CELF2: variants seen among roughly 807,000 people sequenced by gnomAD.
CELF2 encodes CUGBP Elav-like family member 2.
A neutral mutation model predicts 62.6 loss-of-function variants in CELF2; 8 were observed. The ratio of observed to expected loss-of-function variants is 0.13; its 90% CI spans 0.07 to 0.23. The LOEUF is 0.23. CELF2 is among the 10% of genes least tolerant of loss of function. The pLI is 1.00. For missense variants in CELF2, 333 were observed against 671.0 expected, an observed-to-expected ratio of 0.50 and a Z score of 5.56; for synonymous variants, 258 against 250.0, an observed-to-expected ratio of 1.03 and a Z score of -0.30.
chr10:10,605,478 A>C, the CELF2 span, among the ~76,000 whole-genome samples: 2 of 152,222 alleles, frequency 1.3e-5, no homozygotes, highest in Non-Finnish European at 2.9e-5. Flanking sequence ...AAGGCTGTAG[A>C]TTTTCCATAC....
At chr10:11,219,118 T>C (rs1173278742) in intron 3 of CELF2, among the ~76,000 whole-genome samples, 1 of 152,246 alleles carries the variant, frequency 6.6e-6, no homozygotes, top group African/African-American at 2.4e-5. Context: ...TAGTGTAGTT[T>C]GATGCCAAGT....
intron 1 of CELF2, among the ~76,000 whole-genome samples, chr10:11,125,014 A>T (rs2058428626): frequency 6.6e-6 from 1 of 152,160 alleles, no homozygotes; most frequent in African/African-American, 2.4e-5. Context: ...ATATTGTGTG[A>T]TATTGTTTTA....
intron 1 of CELF2, among the ~76,000 whole-genome samples, chr10:11,099,881 C>CAAAAAAAAAAA (rs1554835241): frequency 7.5e-6 from 1 of 133,772 alleles, no homozygotes; most frequent in Non-Finnish European, 1.6e-5. Context: ...ACAACAACAA[C>CAAAAAAAAAAA]AACAAAAAAA....
chr10:11,318,881 C>G lies in CELF2; in HGVS notation c.1097-2308C>G, dbSNP rs1300533084. 2.1e-6 allele frequency: 1 copy of G among 471,140 alleles called. No individual in the cohort carries two copies. The highest frequency in any genetic ancestry group is 7.0e-5 in the East Asian group (1 of 14,378). The allele number at this position is 471,140 out of a possible 1,614,324, so 29.2% of individuals were successfully genotyped here. ...GAGGCTGCACATCGCAGGAAGGATC[C>G]CCCGTGGGTCTCACATGACAGGGCC... On this transcript the variant is annotated intron_variant, in intron 10 of 12. Transcript: ENST00000633077. This position sits in a 1 kb window ranked among gnomAD's most constrained non-coding sequence, Gnocchi z 5.4.
intron 1 of CELF2, among the ~76,000 whole-genome samples, chr10:10,885,168 G>A (rs2018640): frequency 0.3 from 44,939 of 151,666 alleles, 7,650 homozygotes; most frequent in East Asian, 0.66. Context: ...GCTTGAACAC[G>A]GTAGGTGGAG....
chr10:10,826,439 T>A lies in CELF2; in HGVS notation c.53+27622T>A, dbSNP rs372209353. ...ACAGGACATCCAGTTAAATTTGAAT[T>A]TCAGATAAGCAATAAATAATTACTG... On this transcript the variant is annotated intron_variant, in intron 1 of 13. Transcript: ENST00000636488. 1.2e-4 allele frequency among the ~76,000 whole-genome samples: 19 copies of A among 152,334 alleles called. No homozygotes were observed. The East Asian group carries it at 3.5e-3, about 28-fold the overall frequency.
At chr10:10,853,344 T>C (rs1446425426) in intron 1 of CELF2, among the ~76,000 whole-genome samples, 1 of 152,040 alleles carries the variant, frequency 6.6e-6, no homozygotes, top group Non-Finnish European at 1.5e-5. Flanking sequence ...ACTGGCTTAA[T>C]TAGCAGGCTC....
At chr10:10,988,277 GTA>G (rs547530670) in intron 2 of CELF2, among the ~76,000 whole-genome samples, 20,207 of 147,806 alleles carry the variant, frequency 0.14, 2,524 homozygotes, top group African/African-American at 0.34. Flanking sequence ...ATGTGTGTGT[GTA>G]TATATATATA....
At chr10:10,718,349 C>T in the CELF2 span, among the ~76,000 whole-genome samples, 1 of 152,058 alleles carries the variant, frequency 6.6e-6, no homozygotes, top group African/African-American at 2.4e-5. Flanking sequence ...CTTGGCCAGG[C>T]GCGGTGGCTC....
At chr10:11,278,853 G>A (rs1171814489) in intron 8 of CELF2, among the ~76,000 whole-genome samples, 1 of 152,180 alleles carries the variant, frequency 6.6e-6, no homozygotes, top group Non-Finnish European at 1.5e-5. Flanking sequence ...CCACCGCATG[G>A]CCGGGCAACT....
chr10:10,595,079 T>C, the CELF2 span, among the ~76,000 whole-genome samples: 1 of 152,224 alleles, frequency 6.6e-6, no homozygotes, highest in Non-Finnish European at 1.5e-5. Flanking sequence ...GAATAGTTTG[T>C]AGACACACTA....
chr10:10,900,775 G>A (rs908414622), intron 1 of CELF2, among the ~76,000 whole-genome samples: 1 of 152,090 alleles, frequency 6.6e-6, no homozygotes, highest in Non-Finnish European at 1.5e-5. Flanking sequence ...TGAAAAGAAA[G>A]AAATTAAACT....
chr10:10,759,858 G>A, the CELF2 span, among the ~76,000 whole-genome samples: 3 of 145,062 alleles, frequency 2.1e-5, no homozygotes, highest in African/African-American at 7.3e-5. Flanking sequence ...AAAAGACGGT[G>A]ATATTCCTAT....
At chr10:10,881,965 A>G (rs980674489) in intron 1 of CELF2, among the ~76,000 whole-genome samples, 4 of 152,224 alleles carry the variant, frequency 2.6e-5, no homozygotes, top group Non-Finnish European at 5.9e-5. Flanking sequence ...TGTATGTAGT[A>G]TTACTGCATT....
In CELF2 at chr10:11,302,809, C is replaced by G. The variant is rs1037841341; in HGVS notation, c.977-11330C>G. On this transcript the variant is annotated intron_variant, in intron 9 of 12. Transcript: ENST00000633077. This position sits in a 1 kb window ranked among gnomAD's most constrained non-coding sequence, Gnocchi z 5.0. ...TTGACATGAGATTTTCACATTGTTC[C>G]GCTGTGCTGCGGACAGTGGAAGTTG... 6.6e-6 allele frequency among the ~76,000 whole-genome samples: 1 copy of G among 152,158 alleles called. No individual in the cohort carries two copies. Among genetic ancestry groups the G allele is most frequent in the Admixed American group, 6.5e-5 (1 of 15,286 alleles).
the CELF2 span, among the ~76,000 whole-genome samples, chr10:10,560,670 A>G: frequency 6.6e-6 from 1 of 152,196 alleles, no homozygotes; most frequent in South Asian, 2.1e-4. Context: ...ACTACTGGGT[A>G]TCTACCCAGA....
chr10:10,927,982 C>A (rs2065703751), intron 2 of CELF2, among the ~76,000 whole-genome samples: 1 of 152,132 alleles, frequency 6.6e-6, no homozygotes, highest in African/African-American at 2.4e-5. Flanking sequence ...GGGCTGCTTT[C>A]ATCTACCTCT....
At chr10:10,981,084 C>T (rs1261585698) in intron 2 of CELF2, among the ~76,000 whole-genome samples, 1 of 152,208 alleles carries the variant, frequency 6.6e-6, no homozygotes, top group Non-Finnish European at 1.5e-5. Context: ...GCCATTGTGA[C>T]ACGCCCACTG....
At chr10:10,505,277 A>T in the CELF2 span, among the ~76,000 whole-genome samples, 1 of 152,054 alleles carries the variant, frequency 6.6e-6, no homozygotes. Context: ...TTAACCACTT[A>T]ACCTTCTTTA....
Sources: allele counts gnomAD v4.1 joint callset (sites outside exome capture counted in the v4.1 genomes callset), GRCh38; gene constraint gnomAD v4.1.1; non-coding constraint Gnocchi (gnomAD v3.1); transcripts MANE v1.5; gene names NCBI Gene and HGNC (gene_info 2026-07-23, HGNC 2026-07-21).